The following SAMM50 variants were observed in gnomAD, a reference collection of about 807,000 sequenced individuals.
The protein encoded by SAMM50 is SAMM50 sorting and assembly machinery component, also known as sorting and assembly machinery component 50 homolog.
Under a neutral mutation model 66.9 loss-of-function variants are expected in SAMM50, and 47 were observed. The observed-to-expected ratio is 0.70, with a 90% CI of 0.56 to 0.90. SAMM50 has a LOEUF of 0.90. SAMM50 is among the 40% of genes least tolerant of loss of function. SAMM50 has a pLI of 0.00. For synonymous variants in SAMM50, 191 were observed against 214.1 expected (o/e 0.89, Z 0.94); for missense variants, 535 against 595.3 (o/e 0.90, Z 1.05).
At chr22:43,984,322 A>AT (rs971301054) in intron 12 of SAMM50, among the ~76,000 whole-genome samples, 11 of 151,746 alleles carry the variant, frequency 7.2e-5, no homozygotes, top group Non-Finnish European at 1.3e-4. Flanking sequence ...ACATATTATT[A>AT]TTTTTTTTGA....
intron 4 of SAMM50, among the ~76,000 whole-genome samples, chr22:43,971,369 C>T (rs55826926): frequency 0.16 from 23,959 of 152,142 alleles, 2,071 homozygotes; most frequent in South Asian, 0.24. Context: ...GAGCCCAGCC[C>T]GCTCTGCACA....
chr22:43,978,431 T>TAAAA (rs2050245390), intron 10 of SAMM50, among the ~76,000 whole-genome samples: 2 of 20,844 alleles, frequency 9.6e-5, no homozygotes, highest in African/African-American at 3.8e-4. Flanking sequence ...AGACTCCTTC[T>TAAAA]CAAAAAAAAA....
At chr22:43,959,159 C>T (rs1219006796) in intron 1 of SAMM50, among the ~76,000 whole-genome samples, 2 of 151,822 alleles carry the variant, frequency 1.3e-5, no homozygotes, top group Non-Finnish European at 2.9e-5. Context: ...GCTGGGATTA[C>T]AGACAGGTGC....
intron 13 of SAMM50, 108 bp from the exon 14 acceptor site, chr22:43,990,157 A>G (rs1168779347): frequency 5.9e-6 from 8 of 1,365,272 alleles, no homozygotes; most frequent in Non-Finnish European, 8.1e-6. Context: ...CCTGGCTTTA[A>G]AAACAACTGC....
chr22:43,983,574 C>CT lies in SAMM50; in HGVS notation c.1008-358dup. Reference sequence around the variant, plus strand: ...CTGCTCTTCTTCCCCTAATATCGCACTGTGAGCCAGTAGGAGGCCCGCCAT... The same window carrying CT: ...CTGCTCTTCTTCCCCTAATATCGCACTTGTGAGCCAGTAGGAGGCCCGCCAT... On this transcript the variant is annotated intron_variant, in intron 11 of 14. Transcript: ENST00000350028. The surrounding 1 kb of genome is among the most constrained non-coding windows in gnomAD (Gnocchi z 4.2). Among the ~76,000 whole-genome samples, 1 of 152,270 alleles carries CT rather than the reference C, an allele frequency of 6.6e-6. No individual in the cohort carries two copies. The highest frequency in any genetic ancestry group is 2.1e-4 in the South Asian group (1 of 4,822).
rs1025153265 is a variant in SAMM50 at position 43,990,517 on chromosome 22, G to C, written c.1364+111G>C. 4 of 1,107,136 alleles carry C rather than the reference G, an allele frequency of 3.6e-6. No individual in the cohort carries two copies. The African/African-American group carries it at 6.3e-5, about 17-fold the overall frequency. 68.6% of individuals were successfully genotyped at this position (1,107,136 alleles called of 1,614,324 possible). ...GCTTTTAAGCTTGAAGATTTTAAGA[G>C]AATTAAATAGTTGCAAAATAATGAA... is the stretch of plus-strand genomic sequence containing the variant. On this transcript the variant is annotated intron_variant, in intron 14 of 14. Coordinates refer to ENST00000350028, the MANE Select transcript of SAMM50 (RefSeq NM_015380.5).
Position 43,981,426 on chromosome 22 carries a change from A to G in SAMM50, c.972A>G (p.Val324=). The G allele has an allele frequency of 6.2e-7, 1 of 1,613,794 alleles. No homozygotes were observed. The highest frequency in any genetic ancestry group is 2.2e-5 in the East Asian group (1 of 44,876). The change falls in exon 11 of 15, where the codon GTA becomes GTG. Residue 324 remains valine, a synonymous_variant. Coordinates refer to ENST00000350028, the MANE Select transcript of SAMM50 (RefSeq NM_015380.5). ...FSASFWGGML[V]PIGDKPSSIA... is the part of the protein sequence containing the mutation. Reference sequence around the variant, plus strand: ...CGTCTTTCTGGGGCGGAATGTTGGTACCCATTGGTGATAAGCCGTCAAGCA... The same window carrying G: ...CGTCTTTCTGGGGCGGAATGTTGGTGCCCATTGGTGATAAGCCGTCAAGCA...
At position 43,975,874 on chromosome 22, in the gene SAMM50, T is replaced by C. The variant is rs538448488; in HGVS notation, c.649-181T>C. 104 of 618,942 alleles carry C rather than the reference T, an allele frequency of 1.7e-4. 3 individuals carry two copies. In the South Asian group the frequency reaches 2.1e-3, roughly 12 times the overall value. The allele number at this position is 618,942 out of a possible 1,614,324, so 38.3% of individuals were successfully genotyped here. On this transcript the variant is annotated intron_variant, in intron 7 of 14. Coordinates refer to ENST00000350028, the MANE Select transcript of SAMM50 (RefSeq NM_015380.5). ...ACAGCTTTCCCCCTTTCTTCCTTTGTCCTTCTTCCCTCTGGTTTTCTCTTC... is the reference window on the plus strand; with the variant it reads ...ACAGCTTTCCCCCTTTCTTCCTTTGCCCTTCTTCCCTCTGGTTTTCTCTTC...
At chr22:43,965,832 T>A (rs1331154284) in intron 3 of SAMM50, among the ~76,000 whole-genome samples, 1 of 152,146 alleles carries the variant, frequency 6.6e-6, no homozygotes, top group African/African-American at 2.4e-5. Context: ...TCTAACTTTT[T>A]TAAATTTTTT....
intron 1 of SAMM50, among the ~76,000 whole-genome samples, chr22:43,959,348 C>G (rs1298110813): frequency 6.6e-6 from 1 of 152,042 alleles, no homozygotes; most frequent in African/African-American, 2.4e-5. Flanking sequence ...GGATTCTAGT[C>G]TATCTCACTT....
At position 43,955,642 on chromosome 22, in the gene SAMM50, G is replaced by A. The variant is rs749208129; in HGVS notation, c.21+44G>A. 2.9e-5 allele frequency: 45 copies of A among 1,558,568 alleles called. No individual in the cohort carries two copies. The Admixed American group carries it at 5.0e-4, about 17-fold the overall frequency. On this transcript the variant is annotated intron_variant, in intron 1 of 14. Coordinates refer to ENST00000350028, the MANE Select transcript of SAMM50 (RefSeq NM_015380.5). Reference sequence around the variant, plus strand: ...CGCGGGCTGCGAGGCCTCTGGGCCAGCAGGGCAGACGGGCGCCGCGGGGAG... The same window carrying A: ...CGCGGGCTGCGAGGCCTCTGGGCCAACAGGGCAGACGGGCGCCGCGGGGAG...
chr22:43,972,451 T>C, intron 5 of SAMM50, 109 bp downstream of exon 5: 1 of 597,776 alleles, frequency 1.7e-6, no homozygotes, highest in Non-Finnish European at 2.9e-6. Flanking sequence ...GGTCATTTCA[T>C]TTACCTTAAT....
chr22:43,960,588 G>A (rs56373884), intron 1 of SAMM50, among the ~76,000 whole-genome samples: 28,518 of 152,012 alleles, frequency 0.19, 2,939 homozygotes, highest in East Asian at 0.38. Flanking sequence ...AATTAGCCAG[G>A]TATAGTGGCA....
chr22:43,963,674 A>G (rs1304826561), intron 2 of SAMM50, among the ~76,000 whole-genome samples: 2 of 152,226 alleles, frequency 1.3e-5, no homozygotes, highest in South Asian at 2.1e-4. Flanking sequence ...AACTCAAACT[A>G]TACTTAAATT....
At chr22:43,996,106 CCTT>C (rs2050352493) in intron 14 of SAMM50, 5 of 648,712 alleles carry the variant, frequency 7.7e-6, no homozygotes, top group African/African-American at 1.8e-5. Context: ...TTGGGTCTCT[CCTT>C]CTTTCCCTTT....
chr22:43,973,385 A>T, intron 7 of SAMM50, 62 bp downstream of exon 7: 2 of 999,000 alleles, frequency 2.0e-6, no homozygotes, highest in South Asian at 2.6e-5. Context: ...TTTTTCACTG[A>T]TTCCCAAAGG....
At position 43,986,152 on chromosome 22, in the gene SAMM50, C is replaced by T. The variant is rs867545436; in HGVS notation, c.1075+2152C>T. 2.5e-4 allele frequency among the ~76,000 whole-genome samples: 38 copies of T among 150,050 alleles called. 1 individual carries two copies. The highest frequency in any genetic ancestry group is 3.5e-3 in the Middle Eastern group (1 of 284). ...CCACCTCCCAGGTTCAAGTGATTCT[C>T]CTGCCTCATCCTCCTGAGTAGCATG... On this transcript the variant is annotated intron_variant, in intron 12 of 14. Transcript: ENST00000350028.
At chr22:43,958,910 C>G (rs777646196) in intron 1 of SAMM50, among the ~76,000 whole-genome samples, 3 of 151,978 alleles carry the variant, frequency 2.0e-5, no homozygotes, top group Non-Finnish European at 4.4e-5. Context: ...AAGACTCAAA[C>G]AGTAAGAAAA....
chr22:43,962,881 ATTTTTTTTTT>A (rs58022542), intron 1 of SAMM50, among the ~76,000 whole-genome samples: 47 of 65,518 alleles, frequency 7.2e-4, no homozygotes, highest in Middle Eastern at 0.014. Context: ...CTTTTGGTTA[ATTTTTTTTTT>A]TTTTTTTTTT....
Sources: gnomAD v4.1 joint callset for allele counts (sites outside exome capture counted in the v4.1 genomes callset) on GRCh38, gnomAD v4.1.1 for gene constraint, Gnocchi (gnomAD v3.1) non-coding constraint, MANE v1.5 for transcripts, NCBI Gene and HGNC (gene_info 2026-07-23, HGNC 2026-07-21) for gene names.